The following PCM1 variants were observed in gnomAD, a reference collection of about 807,000 sequenced individuals.
PCM1 encodes the protein pericentriolar material 1, also known as pericentriolar material 1 protein.
PCM1 carries 157 observed loss-of-function variants against 241.9 expected under a neutral mutation model. The observed-to-expected ratio is 0.65, with a 90% CI of 0.57 to 0.74. The LOEUF is 0.74. PCM1 is among the 30% of genes least tolerant of loss of function. The probability of loss-of-function intolerance (pLI) is 0.00; values close to 1 mark genes in which losing one functional copy is unlikely to be tolerated. For synonymous variants in PCM1, 1,085 were observed against 784.9 expected, an observed-to-expected ratio of 1.38 and a Z score of -6.39; for missense variants, 3,478 against 2,360.1, an observed-to-expected ratio of 1.47 and a Z score of -9.81.
At chr8:17,962,530 A>C (rs1264973130) in intron 16 of PCM1, among the ~76,000 whole-genome samples, 1 of 152,158 alleles carries the variant, frequency 6.6e-6, no homozygotes, top group Non-Finnish European at 1.5e-5. Flanking sequence ...CTATCCTTTG[A>C]CATTTTATTT....
chr8:18,009,568 G>A lies in PCM1; in HGVS notation c.4984G>A (p.Gly1662Ser). ...ATAGGATTCACTGGCAAAATTTGCT[G>A]GCAGAAAACTGAAAGACTGTGGAGA... ...ILQDSLAKFA[G>S]RKLKDCGEDL... is the part of the protein sequence containing the mutation. Residue 1662 changes from glycine to serine, a missense_variant, in exon 31 of 39, where the codon GGC becomes AGC. Coordinates refer to ENST00000325083, the MANE Select transcript of PCM1 (RefSeq NM_006197.4). The A allele has an allele frequency of 6.3e-7, 1 of 1,599,748 alleles. No individual in the cohort carries two copies. Among genetic ancestry groups the A allele is most frequent in the Non-Finnish European group, 8.5e-7 (1 of 1,172,356 alleles).
intron 1 of PCM1, among the ~76,000 whole-genome samples, chr8:17,923,835 C>T (rs953693728): frequency 2.6e-5 from 4 of 152,026 alleles, no homozygotes; most frequent in Non-Finnish European, 5.9e-5. Flanking sequence ...TAGAATTGGG[C>T]CTAGAACCGG....
chr8:17,930,591 G>C (rs1261286267), intron 2 of PCM1, among the ~76,000 whole-genome samples: 2 of 151,872 alleles, frequency 1.3e-5, no homozygotes, highest in South Asian at 2.1e-4. Context: ...GAAATGTTGT[G>C]AATGTGGCCG....
chr8:17,939,440 T>C (rs956048334), intron 5 of PCM1, among the ~76,000 whole-genome samples: 3 of 152,146 alleles, frequency 2.0e-5, no homozygotes, highest in Non-Finnish European at 4.4e-5. Context: ...TTTCAGATAC[T>C]GTAGATTAAA....
At chr8:17,961,011 A>C (rs2071628929) in intron 15 of PCM1, among the ~76,000 whole-genome samples, 1 of 152,152 alleles carries the variant, frequency 6.6e-6, no homozygotes, top group Non-Finnish European at 1.5e-5. Flanking sequence ...ACTGTTTATT[A>C]TGTTAAAATA....
chr8:17,961,836 G>C (rs1052028808), intron 15 of PCM1, among the ~76,000 whole-genome samples, 198 bp from the exon 16 acceptor site: 1 of 152,108 alleles, frequency 6.6e-6, no homozygotes. Context: ...CTGAGGGCTT[G>C]TGTTTGTTAA....
rs562972666 is a variant in PCM1 at position 17,947,338 on chromosome 8, A to G, written c.936A>G (p.Gln312=). The change falls in exon 7 of 39, where the codon CAA becomes CAG. Residue 312 remains glutamine (Q), a synonymous_variant. Transcript: ENST00000325083. The part of the protein sequence containing the change: ...ALLALQHKAE[Q]AIAVMDDSVV... ...TAGCTCTGCAACATAAAGCAGAGCA[A>G]GCTATTGCAGTGATGGATGATTCTG... 2 of 1,600,560 alleles carry G rather than the reference A, an allele frequency of 1.2e-6. No homozygotes were observed. The highest frequency in any genetic ancestry group is 1.3e-5 in the African/African-American group (1 of 74,210).
At chr8:17,947,428 G>T in intron 7 of PCM1, 65 bp downstream of exon 7, 1 of 1,136,844 alleles carries the variant, frequency 8.8e-7, no homozygotes, top group South Asian at 1.6e-5. Flanking sequence ...ATTGCAGGGT[G>T]GATGCTGATT....
Position 17,973,517 on chromosome 8 carries a change from G to C in PCM1, c.3943+830G>C, listed in dbSNP as rs370601052. Among the ~76,000 whole-genome samples the C allele has an allele frequency of 3.9e-5, 6 of 152,184 alleles. 1 individual carries two copies. In the South Asian group the frequency reaches 1.0e-3, roughly 26 times the overall value. On this transcript the variant is annotated intron_variant, in intron 23 of 38. Transcript: ENST00000325083. ...GTGGATCACCTGAGAGCAGGAGTTT[G>C]AGACCAGCCTGACCAACATGGTGAA...
chr8:17,966,101 G>A lies in PCM1; in HGVS notation c.2958G>A (p.Trp986Ter). ...ISMQRQENLRWVSELSYVEEK... is the reference protein window; with the variant it reads ...ISMQRQENLR Reference sequence around the variant, plus strand: ...TGCAACGGCAAGAAAACCTTCGTTGGGTGTCAGAGCTCTCTTACGTAGAAG... The same window carrying A: ...TGCAACGGCAAGAAAACCTTCGTTGAGTGTCAGAGCTCTCTTACGTAGAAG... Residue 986 changes from tryptophan (W) to a stop codon, truncating the protein, a stop_gained, in exon 19 of 39, where the codon TGG (tryptophan) becomes TGA (stop). Coordinates refer to ENST00000325083, the MANE Select transcript of PCM1 (RefSeq NM_006197.4). LOFTEE classifies it high-confidence loss of function. The A allele has an allele frequency of 6.2e-7, 1 of 1,613,720 alleles. No individual in the cohort carries two copies. The highest frequency in any genetic ancestry group is 8.5e-7 in the Non-Finnish European group (1 of 1,179,680).
chr8:17,952,858 C>A (rs1291703793), intron 8 of PCM1, 112 bp from the exon 9 acceptor site: 5 of 691,712 alleles, frequency 7.2e-6, no homozygotes, highest in African/African-American at 3.6e-5. Flanking sequence ...ACCAGCACAG[C>A]CTAGCAAATA....
intron 34 of PCM1, 77 bp downstream of exon 34, chr8:18,011,904 A>G: frequency 7.9e-7 from 1 of 1,268,000 alleles, no homozygotes; most frequent in Non-Finnish European, 1.1e-6. Context: ...TATTTTAACT[A>G]ATCAAAGTAG....
chr8:17,987,160 A>T (rs1587883141), intron 26 of PCM1, among the ~76,000 whole-genome samples: 1 of 151,870 alleles, frequency 6.6e-6, no homozygotes, highest in East Asian at 1.9e-4. Flanking sequence ...GCAATGTGAA[A>T]TGTAAATTAG....
At chr8:17,947,060 TA>T in intron 6 of PCM1, 125 bp from the exon 7 acceptor site, 1 of 567,142 alleles carries the variant, frequency 1.8e-6, no homozygotes, top group Non-Finnish European at 3.1e-6. Context: ...TGATGTCTAC[TA>T]AAACTATATT....
Position 18,018,911 on chromosome 8 carries a change from T to TAA in PCM1, c.5841+4073_5841+4074dup, listed in dbSNP as rs1554778876. ...ACATATACATACACATATATATATA[T>TAA]AAATATATAACATATAATATATAAC... On this transcript the variant is annotated intron_variant, in intron 36 of 38. Coordinates refer to ENST00000325083, the MANE Select transcript of PCM1 (RefSeq NM_006197.4). 9.4e-3 allele frequency among the ~76,000 whole-genome samples: 1,174 copies of TAA among 124,868 alleles called. 31 individuals carry two copies. The highest frequency in any genetic ancestry group is 0.028 in the African/African-American group (867 of 31,468). The allele number at this position is 124,868 out of a possible 152,430, so 81.9% of individuals were successfully genotyped here. A position where few individuals can be genotyped will look rare whatever the true frequency, so the allele number is the denominator to read the frequency against.
chr8:17,923,763 G>A (rs1450171095), intron 1 of PCM1, among the ~76,000 whole-genome samples: 4 of 152,074 alleles, frequency 2.6e-5, no homozygotes, highest in African/African-American at 9.7e-5. Context: ...CGGGGGAGGC[G>A]TTCCTGGGAA....
chr8:18,005,607 A>G, intron 29 of PCM1, among the ~76,000 whole-genome samples: 1 of 152,164 alleles, frequency 6.6e-6, no homozygotes, highest in Non-Finnish European at 1.5e-5. Context: ...ACCATGATTC[A>G]TATTATTTTG....
chr8:17,992,038 C>A (rs2084841149), intron 28 of PCM1, among the ~76,000 whole-genome samples: 1 of 152,130 alleles, frequency 6.6e-6, no homozygotes, highest in African/African-American at 2.4e-5. Context: ...TTACTTTGTT[C>A]CTTTTTATGG....
At chr8:18,012,804 TTTTAC>T (rs2129485865) in intron 34 of PCM1, among the ~76,000 whole-genome samples, 1 of 152,318 alleles carries the variant, frequency 6.6e-6, no homozygotes, top group Admixed American at 6.5e-5. Flanking sequence ...TATCTTTTGG[TTTTAC>T]TTTGAGAGAT....
Sources: allele counts gnomAD v4.1 joint callset (sites outside exome capture counted in the v4.1 genomes callset), GRCh38; gene constraint gnomAD v4.1.1; transcripts MANE v1.5; gene names NCBI Gene and HGNC (gene_info 2026-07-23, HGNC 2026-07-21).